ASAP1: variants seen among roughly 807,000 people sequenced by gnomAD.
ASAP1 encodes arf-GAP with SH3 domain, ANK repeat and PH domain-containing protein 1.
ASAP1 carries 43 observed loss-of-function variants against 145.2 expected under a neutral mutation model. The observed-to-expected ratio is 0.30, with a 90% confidence interval of 0.23 to 0.38. The LOEUF (loss-of-function observed/expected upper bound fraction) is 0.38. ASAP1 is among the 10% of genes least tolerant of loss of function. The pLI is 1.00. For synonymous variants in ASAP1, 546 were observed against 515.5 expected (o/e 1.06, Z -0.80); for missense variants, 1,018 against 1,355.3 (o/e 0.75, Z 3.91).
chr8:130,354,214 T>C (rs1826169994), intron 3 of ASAP1, among the ~76,000 whole-genome samples: 1 of 152,148 alleles, frequency 6.6e-6, no homozygotes, highest in African/African-American at 2.4e-5. Context: ...TAAATTCCAT[T>C]TTATTTACTA....
intron 23 of ASAP1, among the ~76,000 whole-genome samples, chr8:130,113,716 A>G (rs2097550199): frequency 6.6e-6 from 1 of 152,084 alleles, no homozygotes; most frequent in African/African-American, 2.4e-5. Context: ...ACAAGTTGCT[A>G]AATTCTCTTT....
chr8:130,086,647 T>C (rs778539764), intron 25 of ASAP1, among the ~76,000 whole-genome samples: 1 of 151,876 alleles, frequency 6.6e-6, no homozygotes, highest in East Asian at 1.9e-4. Context: ...CCACAAAAAA[T>C]ACAAAAATTA....
At chr8:130,257,442 T>C (rs1011584415) in intron 3 of ASAP1, among the ~76,000 whole-genome samples, 2 of 152,204 alleles carry the variant, frequency 1.3e-5, no homozygotes, top group Non-Finnish European at 2.9e-5. Flanking sequence ...GAGGATCTGG[T>C]ATTAGGCACA....
intron 4 of ASAP1, among the ~76,000 whole-genome samples, chr8:130,218,971 T>G (rs559100319): frequency 1.3e-5 from 2 of 152,160 alleles, no homozygotes; most frequent in East Asian, 3.9e-4. Context: ...CATAAAAATA[T>G]AACAGTTTAG....
At chr8:130,243,032 G>C (rs942756734) in intron 3 of ASAP1, among the ~76,000 whole-genome samples, 2 of 152,076 alleles carry the variant, frequency 1.3e-5, no homozygotes, top group African/African-American at 4.8e-5. Flanking sequence ...CATCCACTCA[G>C]TGTGCTAGAC....
At chr8:130,256,778 T>C (rs1819589817) in intron 3 of ASAP1, among the ~76,000 whole-genome samples, 1 of 129,778 alleles carries the variant, frequency 7.7e-6, no homozygotes, top group African/African-American at 2.8e-5. Context: ...TATATATATA[T>C]ATATCCTTAT....
rs1160417615 is a variant in ASAP1, at chr8:130,072,826, C to CGTGCGT, written c.2701+3521_2701+3522insACGCAC. ...GTGTGTGTGTGTGTGTGTGTGTGTG[C>CGTGCGT]GCGCGGGGGGGGGCAGTTTTGGGGA... On this transcript the variant is annotated intron_variant, in intron 27 of 29. Transcript: ENST00000518721. Among the ~76,000 whole-genome samples the CGTGCGT allele has an allele frequency of 1.7e-3, 23 of 13,822 alleles. 1 individual carries two copies. Among genetic ancestry groups the CGTGCGT allele is most frequent in the African/African-American group, 4.6e-3 (23 of 5,046 alleles). 9.1% of individuals were successfully genotyped at this position (13,822 alleles called of 152,430 possible). A position where few individuals can be genotyped will look rare whatever the true frequency, so the allele number is the denominator to read the frequency against.
chr8:130,276,849 A>G (rs1820943342), intron 3 of ASAP1, among the ~76,000 whole-genome samples: 1 of 151,998 alleles, frequency 6.6e-6, no homozygotes, highest in African/African-American at 2.4e-5. Flanking sequence ...AAGGAACAGA[A>G]ATAAAGGGAC....
chr8:130,133,664 AAAACAAAC>A (rs151021142), intron 15 of ASAP1, among the ~76,000 whole-genome samples: 12 of 148,342 alleles, frequency 8.1e-5, no homozygotes, highest in African/African-American at 2.2e-4. Context: ...CTCCGTCTCA[AAAACAAAC>A]AAACAAACAA....
chr8:130,326,493 C>T (rs992381573), intron 3 of ASAP1, among the ~76,000 whole-genome samples: 2 of 152,264 alleles, frequency 1.3e-5, no homozygotes, highest in African/African-American at 4.8e-5. Flanking sequence ...CACGAACAGA[C>T]TGGATGTGCT....
intron 2 of ASAP1, among the ~76,000 whole-genome samples, chr8:130,379,537 A>G (rs1827668300): frequency 1.3e-5 from 2 of 152,212 alleles, no homozygotes; most frequent in Admixed American, 1.3e-4. Flanking sequence ...CTGAGCCCAC[A>G]GAATTGTGGG....
intron 14 of ASAP1, among the ~76,000 whole-genome samples, chr8:130,136,073 G>A (rs1428316348): frequency 6.6e-6 from 1 of 152,200 alleles, no homozygotes. Flanking sequence ...AGAGAAGGAA[G>A]GATACTTAAG....
chr8:130,232,377 G>A (rs1817956293), intron 4 of ASAP1, among the ~76,000 whole-genome samples: 1 of 152,178 alleles, frequency 6.6e-6, no homozygotes, highest in Admixed American at 6.5e-5. Context: ...GAAAGGGAGA[G>A]GGACCACTAA....
chr8:130,210,521 T>TAAGGAAA, intron 5 of ASAP1, among the ~76,000 whole-genome samples: 2 of 152,306 alleles, frequency 1.3e-5, no homozygotes, highest in African/African-American at 4.8e-5. Context: ...CTCTTTCCAA[T>TAAGGAAA]ATGCTATAAC....
chr8:130,085,768 A>G (rs991757353), intron 25 of ASAP1, among the ~76,000 whole-genome samples: 1 of 150,448 alleles, frequency 6.6e-6, no homozygotes, highest in African/African-American at 2.4e-5. Context: ...AAAGAGGTTC[A>G]ATGAAATGCA....
intron 27 of ASAP1, among the ~76,000 whole-genome samples, chr8:130,068,598 C>A (rs1421734200): frequency 6.6e-6 from 1 of 152,192 alleles, no homozygotes; most frequent in Non-Finnish European, 1.5e-5. Context: ...GGACCCACAG[C>A]TCACTATTGA....
intron 1 of ASAP1, among the ~76,000 whole-genome samples, chr8:130,435,510 A>G (rs550742425): frequency 1.4e-4 from 21 of 152,288 alleles, no homozygotes; most frequent in African/African-American, 4.6e-4. Context: ...TATGAATCCA[A>G]TTGTCTCATT....
chr8:130,155,021 G>T (rs2097655319), intron 12 of ASAP1, among the ~76,000 whole-genome samples: 1 of 152,134 alleles, frequency 6.6e-6, no homozygotes, highest in Non-Finnish European at 1.5e-5. Context: ...GCTAACATAG[G>T]TGAGGCATCC....
intron 6 of ASAP1, among the ~76,000 whole-genome samples, chr8:130,187,489 C>G (rs1370128860): frequency 6.6e-6 from 1 of 151,230 alleles, no homozygotes; most frequent in Admixed American, 6.6e-5. Flanking sequence ...AATCACAGCT[C>G]ACTGTAGCCT....
Sources: gnomAD v4.1 joint callset for allele counts (sites outside exome capture counted in the v4.1 genomes callset) on GRCh38, gnomAD v4.1.1 for gene constraint, MANE v1.5 for transcripts, NCBI Gene and HGNC (gene_info 2026-07-23, HGNC 2026-07-21) for gene names.